The following PTF1A variants were observed in gnomAD, a reference collection of about 807,000 sequenced individuals.
PTF1A encodes pancreas transcription factor 1 subunit alpha.
A neutral mutation model predicts 22.6 loss-of-function variants in PTF1A; 18 were observed. The ratio of observed to expected loss-of-function variants is 0.80; its 90% CI spans 0.55 to 1.18. The LOEUF (loss-of-function observed/expected upper bound fraction) is 1.18. PTF1A is among the 50% of genes most tolerant of loss of function. The probability of loss-of-function intolerance (pLI) is 0.00; values close to 1 mark genes in which losing one functional copy is unlikely to be tolerated. For missense variants in PTF1A, 477 were observed against 473.0 expected (o/e 1.01, Z -0.08); for synonymous variants, 259 against 227.9 (o/e 1.14, Z -1.23).
In PTF1A at chr10:23,193,002, G is replaced by A; in HGVS notation, c.472G>A (p.Glu158Lys). 2 of 1,223,320 alleles carry A rather than the reference G, an allele frequency of 1.6e-6. 1 individual carries two copies. Among genetic ancestry groups the A allele is most frequent in the South Asian group, 5.2e-5 (2 of 38,514 alleles). The allele number at this position is 1,223,320 out of a possible 1,614,324, so 75.8% of individuals were successfully genotyped here. A position where few individuals can be genotyped will look rare whatever the true frequency, so the allele number is the denominator to read the frequency against. ...GCGGCGCCGGCGGCGGGTGCGCTCC[G>A]AGGCGGAGCTGCAGCAGCTGCGGCA... Reference protein sequence around the residue: ...AARRRRRVRSEAELQQLRQAA... With the variant: ...AARRRRRVRSKAELQQLRQAA... Residue 158 changes from glutamate to lysine, a missense_variant, in exon 1 of 2, where the codon GAG becomes AAG. Transcript: ENST00000376504.
chr10:23,193,191 G>T lies in PTF1A; in HGVS notation c.661G>T (p.Ala221Ser). 7.3e-7 allele frequency: 1 copy of T among 1,375,562 alleles called. No homozygotes were observed. 85.2% of individuals were successfully genotyped at this position (1,375,562 alleles called of 1,614,324 possible). A position where few individuals can be genotyped will look rare whatever the true frequency, so the allele number is the denominator to read the frequency against. The part of the protein sequence containing the change: ...YINFLSELVQ[A>S]DLPLRGGGAG... The stretch of plus-strand genomic sequence containing the variant: ...CAACTTCCTCAGCGAGCTCGTGCAG[G>T]CCGACCTGCCCTTGCGCGGCGGTGG... Residue 221 changes from alanine (A) to serine (S), a missense_variant, in exon 1 of 2, where the codon GCC (alanine) becomes TCC (serine). Coordinates refer to ENST00000376504, the MANE Select transcript of PTF1A (RefSeq NM_178161.3).
Position 23,193,860 on chromosome 10 carries a change from C to T in PTF1A, c.941C>T (p.Ser314Phe), listed in dbSNP as rs747205728. Residue 314 changes from serine to phenylalanine, a missense_variant, in exon 2 of 2, where the codon TCC (serine) becomes TTC (phenylalanine). Coordinates refer to ENST00000376504, the MANE Select transcript of PTF1A (RefSeq NM_178161.3). ...EDPRKLNSKSSFNNIENEPPF... is the reference protein window; with the variant it reads ...EDPRKLNSKSFFNNIENEPPF... ...CCCAGAAAACTCAACAGCAAATCTT[C>T]CTTCAACAACATAGAAAACGAACCA... is the stretch of plus-strand genomic sequence containing the variant. 5 of 1,614,140 alleles carry T rather than the reference C, an allele frequency of 3.1e-6. No individual in the cohort carries two copies. The highest frequency in any genetic ancestry group is 2.2e-5 in the South Asian group (2 of 91,080).
rs1156907709 is a variant in PTF1A at position 23,193,875 on chromosome 10, A to G, written c.956A>G (p.Glu319Gly). 13 of 1,613,998 alleles carry G rather than the reference A, an allele frequency of 8.1e-6. No homozygotes were observed. The highest frequency in any genetic ancestry group is 2.7e-5 in the African/African-American group (2 of 74,928). Residue 319 changes from glutamate to glycine, a missense_variant, in exon 2 of 2, where the codon GAA becomes GGA. Glu to Gly is a moderately conservative substitution (Grantham distance 98). Transcript: ENST00000376504. ...AGCAAATCTTCCTTCAACAACATAG[A>G]AAACGAACCACCATTTGAGTTTGTG... is the stretch of plus-strand genomic sequence containing the variant. ...LNSKSSFNNI[E>G]NEPPFEFVS
chr10:23,193,496 T>C (rs1378781656), intron 1 of PTF1A, 182 bp downstream of exon 1: 14 of 726,278 alleles, frequency 1.9e-5, no homozygotes, highest in Non-Finnish European at 1.7e-5. Flanking sequence ...TCTGCCACGT[T>C]GACCGCGGCT....
chr10:23,192,731 C>A lies in PTF1A; in HGVS notation c.201C>A (p.Cys67Ter). Reference sequence around the variant, plus strand: ...AGTACTGCTACCGCGACGGGGCGTGCCTGCTGCTGCAGCCCGCGCCCCCGG... The same window carrying A: ...AGTACTGCTACCGCGACGGGGCGTGACTGCTGCTGCAGCCCGCGCCCCCGG... ...LHEYCYRDGA[C>*]LLLQPAPPAA... The change falls in exon 1 of 2, where the codon TGC (cysteine) becomes TGA (stop). Residue 67 changes from cysteine (C) to a stop codon, truncating the protein, a stop_gained. Transcript: ENST00000376504. LOFTEE classifies it high-confidence loss of function. 1 of 1,512,648 alleles carries A rather than the reference C, an allele frequency of 6.6e-7. No individual in the cohort carries two copies. Among genetic ancestry groups the A allele is most frequent in the Non-Finnish European group, 8.8e-7 (1 of 1,134,758 alleles). The allele number at this position is 1,512,648 out of a possible 1,614,324, so 93.7% of individuals were successfully genotyped here. A position where few individuals can be genotyped will look rare whatever the true frequency, so the allele number is the denominator to read the frequency against.
intron 1 of PTF1A, 188 bp from the exon 2 acceptor site, chr10:23,193,516 G>A: frequency 1.4e-6 from 1 of 706,720 alleles, no homozygotes; most frequent in Non-Finnish European, 2.3e-6. Flanking sequence ...TCTCAAGGGC[G>A]CGCGTCCCCG....
intron 1 of PTF1A, 38 bp downstream of exon 1, chr10:23,193,352 C>T: frequency 7.1e-7 from 1 of 1,411,172 alleles, no homozygotes; most frequent in Non-Finnish European, 9.1e-7. Flanking sequence ...GAGAAGGGGT[C>T]GGGCACTCGA....
In PTF1A at chr10:23,192,813, G is replaced by A; in HGVS notation, c.283G>A (p.Gly95Ser). Residue 95 changes from glycine to serine, a missense_variant, in exon 1 of 2, where the codon GGC becomes AGC. Transcript: ENST00000376504. ...SSGGLGEPDD[G>S]GGGGYCCETG... ...GGGGGGCCTCGGTGAGCCAGACGAC[G>A]GCGGCGGCGGCGGCTACTGCTGCGA... 1 of 1,289,450 alleles carries A rather than the reference G, an allele frequency of 7.8e-7. No individual in the cohort carries two copies. Among genetic ancestry groups the A allele is most frequent in the Non-Finnish European group, 9.8e-7 (1 of 1,023,574 alleles). 79.9% of individuals were successfully genotyped at this position (1,289,450 alleles called of 1,614,324 possible).
Position 23,192,901 on chromosome 10 carries a change from A to T in PTF1A, c.371A>T (p.Tyr124Phe). 7.8e-7 allele frequency: 1 copy of T among 1,278,846 alleles called. No individual in the cohort carries two copies. The highest frequency in any genetic ancestry group is 9.9e-7 in the Non-Finnish European group (1 of 1,008,744). 79.2% of individuals were successfully genotyped at this position (1,278,846 alleles called of 1,614,324 possible). Residue 124 changes from tyrosine (Y) to phenylalanine (F), a missense_variant, in exon 1 of 2, where the codon TAC becomes TTC. Transcript: ENST00000376504. ...SPGSPPSCLAYPCAGAAVLSP... is the reference protein window; with the variant it reads ...SPGSPPSCLAFPCAGAAVLSP... ...GGCTCGCCGCCCTCGTGCCTGGCCT[A>T]CCCGTGCGCCGGGGCGGCAGTACTG...
At position 23,192,554 on chromosome 10, in the gene PTF1A, C is replaced by T. The variant is rs777357990; in HGVS notation, c.24C>T (p.His8=). The T allele has an allele frequency of 1.3e-6, 2 of 1,593,736 alleles. No individual in the cohort carries two copies. The highest frequency in any genetic ancestry group is 1.4e-5 in the African/African-American group (1 of 72,936). MDAVLLE[H]FPGGLDAFPS... is the part of the protein sequence containing the mutation. ...GCATGGACGCGGTGTTGCTGGAGCACTTCCCCGGGGGCCTAGACGCCTTTC... is the reference window on the plus strand; with the variant it reads ...GCATGGACGCGGTGTTGCTGGAGCATTTCCCCGGGGGCCTAGACGCCTTTC... Residue 8 remains histidine (H), a synonymous_variant, in exon 1 of 2, where the codon CAC becomes CAT. Coordinates refer to ENST00000376504, the MANE Select transcript of PTF1A (RefSeq NM_178161.3).
At chr10:23,193,606 A>T (rs1174859532) in intron 1 of PTF1A, 98 bp from the exon 2 acceptor site, 2 of 940,078 alleles carry the variant, frequency 2.1e-6, no homozygotes, top group Non-Finnish European at 3.5e-6. Context: ...TTCTAGTATA[A>T]CCGGAGAGCA....
In PTF1A at chr10:23,192,754, C is replaced by T. The variant is rs1209942756; in HGVS notation, c.224C>T (p.Pro75Leu). 8 of 1,429,262 alleles carry T rather than the reference C, an allele frequency of 5.6e-6. No individual in the cohort carries two copies. Among genetic ancestry groups the T allele is most frequent in the Non-Finnish European group, 7.3e-6 (8 of 1,090,894 alleles). The allele number at this position is 1,429,262 out of a possible 1,614,324, so 88.5% of individuals were successfully genotyped here. A position where few individuals can be genotyped will look rare whatever the true frequency, so the allele number is the denominator to read the frequency against. ...GACLLLQPAPPAAPLALAPPS... is the reference protein window; with the variant it reads ...GACLLLQPAPLAAPLALAPPS... ...TGCCTGCTGCTGCAGCCCGCGCCCC[C>T]GGCCGCCCCGCTAGCGCTCGCCCCG... is the stretch of plus-strand genomic sequence containing the variant. Residue 75 changes from proline (P) to leucine (L), a missense_variant, in exon 1 of 2, where the codon CCG becomes CTG. Physicochemically the swap from Pro to Leu is moderately conservative, Grantham distance 98 (BLOSUM62 -3). Transcript: ENST00000376504.
In PTF1A at chr10:23,194,205, T is replaced by C. The variant is rs1840936310; in HGVS notation, c.*299T>C. ...CCTGCTTATTTATTGCCAGATATGG[T>C]TTATTTCTAAGCGTTGTCAATAAAT... On this transcript the variant is annotated 3_prime_UTR_variant, in exon 2 of 2. Transcript: ENST00000376504. The C allele has an allele frequency of 3.1e-6, 1 of 319,894 alleles. No homozygotes were observed. The highest frequency in any genetic ancestry group is 5.7e-6 in the Non-Finnish European group (1 of 174,694). The allele number at this position is 319,894 out of a possible 1,614,324, so 19.8% of individuals were successfully genotyped here.
At position 23,192,560 on chromosome 10, in the gene PTF1A, C is replaced by T. The variant is rs1564448096; in HGVS notation, c.30C>T (p.Pro10=). 1 of 1,596,682 alleles carries T rather than the reference C, an allele frequency of 6.3e-7. No homozygotes were observed. The highest frequency in any genetic ancestry group is 8.5e-7 in the Non-Finnish European group (1 of 1,172,122). Residue 10 remains proline (P), a synonymous_variant, in exon 1 of 2, where the codon CCC becomes CCT. Transcript: ENST00000376504. ...ACGCGGTGTTGCTGGAGCACTTCCCCGGGGGCCTAGACGCCTTTCCTTCTT... is the reference window on the plus strand; with the variant it reads ...ACGCGGTGTTGCTGGAGCACTTCCCTGGGGGCCTAGACGCCTTTCCTTCTT... The part of the protein sequence containing the change: MDAVLLEHF[P]GGLDAFPSSY...
chr10:23,192,397 G>A lies in PTF1A; in HGVS notation c.-134G>A, dbSNP rs1180978005. The A allele has an allele frequency of 3.9e-6, 5 of 1,266,294 alleles. No individual in the cohort carries two copies. Among genetic ancestry groups the A allele is most frequent in the Non-Finnish European group, 4.2e-6 (4 of 943,002 alleles). 78.4% of individuals were successfully genotyped at this position (1,266,294 alleles called of 1,614,324 possible). A position where few individuals can be genotyped will look rare whatever the true frequency, so the allele number is the denominator to read the frequency against. On this transcript the variant is annotated 5_prime_UTR_variant, in exon 1 of 2. Coordinates refer to ENST00000376504, the MANE Select transcript of PTF1A (RefSeq NM_178161.3). ...CGCGGGCACTCCAGGGAGGCCCGGG[G>A]GCGGGCAGCCCGGCGGCCGCCTAGC...
In PTF1A at chr10:23,192,928, C is replaced by T; in HGVS notation, c.398C>T (p.Ser133Phe). 2 of 1,201,714 alleles carry T rather than the reference C, an allele frequency of 1.7e-6. No homozygotes were observed. Among genetic ancestry groups the T allele is most frequent in the East Asian group, 7.3e-5 (2 of 27,516 alleles). The allele number at this position is 1,201,714 out of a possible 1,614,324, so 74.4% of individuals were successfully genotyped here. The change falls in exon 1 of 2, where the codon TCT (serine) becomes TTT (phenylalanine). Residue 133 changes from serine to phenylalanine, a missense_variant. Physicochemically the swap from Ser to Phe is radical, Grantham distance 155. Transcript: ENST00000376504. ...CCGTGCGCCGGGGCGGCAGTACTGT[C>T]TCCCGGGGCGCGGCTGCGCGGCCTG... ...AYPCAGAAVL[S>F]PGARLRGLSG...
chr10:23,193,433 G>A (rs1216242546), intron 1 of PTF1A, 119 bp downstream of exon 1: 2 of 994,670 alleles, frequency 2.0e-6, no homozygotes, highest in Non-Finnish European at 2.8e-6. Context: ...GGTGGGCACG[G>A]AAAAACTTGA....
rs1034296809 is a variant in PTF1A at position 23,194,183 on chromosome 10, G to C, written c.*277G>C. The C allele has an allele frequency of 5.4e-6, 2 of 368,960 alleles. No individual in the cohort carries two copies. The allele number at this position is 368,960 out of a possible 1,614,324, so 22.9% of individuals were successfully genotyped here. On this transcript the variant is annotated 3_prime_UTR_variant, in exon 2 of 2. Coordinates refer to ENST00000376504, the MANE Select transcript of PTF1A (RefSeq NM_178161.3). ...GAGAACTCTGGCCAGAAAACGTCCT[G>C]CTTATTTATTGCCAGATATGGTTTA...
In PTF1A at chr10:23,193,190, G is replaced by A; in HGVS notation, c.660G>A (p.Gln220=). 7.3e-7 allele frequency: 1 copy of A among 1,378,416 alleles called. No individual in the cohort carries two copies. 85.4% of individuals were successfully genotyped at this position (1,378,416 alleles called of 1,614,324 possible). Residue 220 remains glutamine (Q), a synonymous_variant, in exon 1 of 2, where the codon CAG becomes CAA. Transcript: ENST00000376504. ...GYINFLSELV[Q]ADLPLRGGGA... is the part of the protein sequence containing the mutation. ...TCAACTTCCTCAGCGAGCTCGTGCA[G>A]GCCGACCTGCCCTTGCGCGGCGGTG...
Sources: allele counts gnomAD v4.1 joint callset, GRCh38; gene constraint gnomAD v4.1.1; transcripts MANE v1.5; gene names NCBI Gene and HGNC (gene_info 2026-07-23, HGNC 2026-07-21).